MAP3K19: variants seen among roughly 807,000 people sequenced by gnomAD.
MAP3K19 encodes the protein SPS1/STE20-related protein kinase YSK4.
In MAP3K19, 91 loss-of-function variants were observed where a neutral mutation model predicts 114.4. The ratio of observed to expected loss-of-function variants is 0.80; its 90% confidence interval spans 0.67 to 0.95. The LOEUF (loss-of-function observed/expected upper bound fraction) is 0.95, where lower values mean the gene tolerates loss of function less well. Ranked by LOEUF, MAP3K19 falls within the 40% of genes least tolerant of loss-of-function variation. The pLI, the probability that MAP3K19 is intolerant of heterozygous loss-of-function variation, is 0.00. For missense variants in MAP3K19, 1,471 were observed against 1,573.2 expected (o/e 0.94, Z 1.10); for synonymous variants, 518 against 530.5 (o/e 0.98, Z 0.32).
intron 8 of MAP3K19, among the ~76,000 whole-genome samples, chr2:134,994,527 G>T (rs888907100): frequency 4.6e-5 from 7 of 152,320 alleles, no homozygotes; most frequent in African/African-American, 1.4e-4. Flanking sequence ...GAGCAGAAAT[G>T]GGGAGCTGGA....
At chr2:135,020,196 T>G (rs1318690868) in intron 5 of MAP3K19, among the ~76,000 whole-genome samples, 1 of 152,126 alleles carries the variant, frequency 6.6e-6, no homozygotes, top group Non-Finnish European at 1.5e-5. Flanking sequence ...TTTTTGTATT[T>G]TTAGTAGAGA....
intron 2 of MAP3K19, among the ~76,000 whole-genome samples, chr2:135,034,431 C>T (rs1688477170): frequency 1.6e-5 from 2 of 125,744 alleles, no homozygotes; most frequent in South Asian, 3.1e-4. Flanking sequence ...GCTGCAATCT[C>T]GGCACTTTGG....
Position 134,983,635 on chromosome 2 carries a change from G to C in MAP3K19, c.3222+41C>G, listed in dbSNP as rs200291635. The C allele has an allele frequency of 3.0e-4, 448 of 1,480,252 alleles. 4 individuals carry two copies. Among genetic ancestry groups the C allele is most frequent in the Middle Eastern group, 2.8e-3 (11 of 3,920 alleles). 91.7% of individuals were successfully genotyped at this position (1,480,252 alleles called of 1,614,324 possible). A position where few individuals can be genotyped will look rare whatever the true frequency, so the allele number is the denominator to read the frequency against. On this transcript the variant is annotated intron_variant, in intron 11 of 12. Coordinates refer to ENST00000392915, the MANE Select transcript of MAP3K19 (RefSeq NM_025052.5). Reference sequence around the variant, plus strand: ...GAGGGGTGGAGGGAGGGACTGTGGGGGGGTGGGGAGTGCTGATTTCAAGTT... The same window carrying C: ...GAGGGGTGGAGGGAGGGACTGTGGGCGGGTGGGGAGTGCTGATTTCAAGTT...
chr2:134,971,197 C>T (rs1002210038), intron 12 of MAP3K19, among the ~76,000 whole-genome samples: 71 of 152,118 alleles, frequency 4.7e-4, no homozygotes, highest in African/African-American at 1.7e-3. Flanking sequence ...GTCCTTCATT[C>T]TGTTAATGTG....
intron 9 of MAP3K19, among the ~76,000 whole-genome samples, chr2:134,989,927 C>T (rs1448206113): frequency 6.6e-6 from 1 of 151,864 alleles, no homozygotes; most frequent in African/African-American, 2.4e-5. Flanking sequence ...ACTAAAAATA[C>T]AAAAATTAGC....
Position 134,987,830 on chromosome 2 carries a change from C to T in MAP3K19, c.1042G>A (p.Asp348Asn), listed in dbSNP as rs1685270416. ...GTTTTACTACCATGGCAGTCAATAT[C>T]CTCTTCCCTAACTGCAGGAATATTG... ...EGNIPAVREE[D>N]IDCHGSKTRK... The change falls in exon 10 of 13, where the codon GAT becomes AAT. Residue 348 changes from aspartate (D) to asparagine (N), a missense_variant. Physicochemically the swap from Asp to Asn is conservative, Grantham distance 23. Transcript: ENST00000392915. 1.2e-5 allele frequency: 19 copies of T among 1,609,198 alleles called. No homozygotes were observed. Among genetic ancestry groups the T allele is most frequent in the Non-Finnish European group, 1.6e-5 (19 of 1,180,006 alleles).
chr2:135,005,377 G>A (rs942027139), intron 6 of MAP3K19, 58 bp downstream of exon 6: 3 of 1,268,978 alleles, frequency 2.4e-6, no homozygotes, highest in Non-Finnish European at 3.5e-6. Context: ...TGAAATTGGA[G>A]AGAAGCCCAT....
intron 5 of MAP3K19, among the ~76,000 whole-genome samples, chr2:135,019,466 G>T (rs1172038695): frequency 6.6e-6 from 1 of 152,138 alleles, no homozygotes; most frequent in Non-Finnish European, 1.5e-5. Context: ...GAGGCAGGAG[G>T]ATTGCTTGAG....
At position 134,998,718 on chromosome 2, in the gene MAP3K19, G is replaced by T; in HGVS notation, c.574+20C>A. On this transcript the variant is annotated intron_variant, in intron 8 of 12. Transcript: ENST00000392915. ...TTGTTGACCAAAAGGACTCACTGTGGAATTCAATGTTCAACTTACCTTCAG... is the reference window on the plus strand; with the variant it reads ...TTGTTGACCAAAAGGACTCACTGTGTAATTCAATGTTCAACTTACCTTCAG... 6.3e-7 allele frequency: 1 copy of T among 1,585,040 alleles called. No individual in the cohort carries two copies. The highest frequency in any genetic ancestry group is 1.1e-5 in the South Asian group (1 of 86,992).
intron 12 of MAP3K19, among the ~76,000 whole-genome samples, chr2:134,974,481 C>A (rs1283638187): frequency 6.6e-6 from 1 of 152,212 alleles, no homozygotes; most frequent in Middle Eastern, 3.4e-3. Flanking sequence ...CTGGAGAAGA[C>A]CTTTCTAGGT....
chr2:134,986,605 A>G lies in MAP3K19; in HGVS notation c.2267T>C (p.Ile756Thr), dbSNP rs778534592. ...SKAVHSNLHD[I>T]ENGDGISEPD... The stretch of plus-strand genomic sequence containing the variant: ...TTCTGAAATACCATCACCATTTTCA[A>G]TGTCATGTAGGTTGCTATGTACAGC... The change falls in exon 10 of 13, where the codon ATT becomes ACT. Residue 756 changes from isoleucine (I) to threonine (T), a missense_variant. Physicochemically the swap from Ile to Thr is moderately conservative, Grantham distance 89. Coordinates refer to ENST00000392915, the MANE Select transcript of MAP3K19 (RefSeq NM_025052.5). 1.1e-5 allele frequency: 18 copies of G among 1,614,058 alleles called. No homozygotes were observed. In the Admixed American group the frequency reaches 2.7e-4, roughly 24 times the overall value.
chr2:134,971,543 C>T (rs1489595121), intron 12 of MAP3K19, among the ~76,000 whole-genome samples: 1 of 152,152 alleles, frequency 6.6e-6, no homozygotes, highest in Non-Finnish European at 1.5e-5. Context: ...GCAGTGAAGC[C>T]ATCCAGTCCT....
chr2:135,020,047 C>T (rs975643590), intron 5 of MAP3K19, among the ~76,000 whole-genome samples: 8 of 151,424 alleles, frequency 5.3e-5, no homozygotes, highest in Admixed American at 1.3e-4. Context: ...AATGGAGTTT[C>T]GCTCTTATTG....
At chr2:134,973,172 G>GTTTT (rs1683991657) in intron 12 of MAP3K19, among the ~76,000 whole-genome samples, 1 of 152,172 alleles carries the variant, frequency 6.6e-6, no homozygotes, top group African/African-American at 2.4e-5. Flanking sequence ...TTTAAATCCA[G>GTTTT]GTTTCTCTAT....
chr2:134,995,144 G>T (rs777261764), intron 8 of MAP3K19, among the ~76,000 whole-genome samples: 1 of 151,894 alleles, frequency 6.6e-6, no homozygotes, highest in African/African-American at 2.4e-5. Flanking sequence ...AGACCCCATC[G>T]CTACCAAAGA....
At position 135,001,413 on chromosome 2, in the gene MAP3K19, G is replaced by T. The variant is rs6734353; in HGVS notation, c.236-1398C>A. 2.1e-3 allele frequency among the ~76,000 whole-genome samples: 317 copies of T among 152,334 alleles called. 2 individuals carry two copies. Among genetic ancestry groups the T allele is most frequent in the African/African-American group, 7.4e-3 (308 of 41,574 alleles). On this transcript the variant is annotated intron_variant, in intron 6 of 12. Coordinates refer to ENST00000392915, the MANE Select transcript of MAP3K19 (RefSeq NM_025052.5). ...ATCACCAGACTATGTAGCAAAAAAT[G>T]AGAGACTTGGAATTATTGAGCTGGA... is the stretch of plus-strand genomic sequence containing the variant.
rs1328162490 is a variant in MAP3K19, at chr2:134,986,391, A to T, written c.2481T>A (p.Asn827Lys). 6.2e-7 allele frequency: 1 copy of T among 1,613,862 alleles called. No homozygotes were observed. Among genetic ancestry groups the T allele is most frequent in the Non-Finnish European group, 8.5e-7 (1 of 1,179,994 alleles). The change falls in exon 10 of 13, where the codon AAT becomes AAA. Residue 827 changes from asparagine (N) to lysine (K), a missense_variant. Coordinates refer to ENST00000392915, the MANE Select transcript of MAP3K19 (RefSeq NM_025052.5). The part of the protein sequence containing the change: ...ESTGDRDISN[N>K]QILTTSLRDL... ...CTCTGAGGCTTGTGGTGAGTATTTG[A>T]TTGTTAGAAATGTCTCTATCACCAG...
Position 134,995,316 on chromosome 2 carries a change from CAA to C in MAP3K19, c.574+3420_574+3421del, listed in dbSNP as rs1216574455. Among the ~76,000 whole-genome samples, 82 of 93,388 alleles carry C rather than the reference CAA, an allele frequency of 8.8e-4. 1 individual carries two copies. The East Asian group carries it at 0.014, about 16-fold the overall frequency. 61.3% of individuals were successfully genotyped at this position (93,388 alleles called of 152,430 possible). On this transcript the variant is annotated intron_variant, in intron 8 of 12. Coordinates refer to ENST00000392915, the MANE Select transcript of MAP3K19 (RefSeq NM_025052.5). ...TGGGTGACAGAGTCAGACTCTGTCT[CAA>C]AAAAAAAAAAAAAAAGTAAGGAAAG...
At chr2:135,005,091 T>C (rs986474986) in intron 6 of MAP3K19, among the ~76,000 whole-genome samples, 1 of 152,174 alleles carries the variant, frequency 6.6e-6, no homozygotes, top group Non-Finnish European at 1.5e-5. Flanking sequence ...GTATTGTGAG[T>C]GGTTTTTCTT....
Sources: allele counts gnomAD v4.1 joint callset (sites outside exome capture counted in the v4.1 genomes callset), GRCh38; gene constraint gnomAD v4.1.1; transcripts MANE v1.5; gene names NCBI Gene and HGNC (gene_info 2026-07-23, HGNC 2026-07-21).